MAP3K5: variants seen among roughly 807,000 people sequenced by gnomAD.
The protein encoded by MAP3K5 is ASK-1.
Under a neutral mutation model 158.7 loss-of-function variants are expected in MAP3K5, and 56 were observed. The observed-to-expected ratio is 0.35, with a 90% CI of 0.28 to 0.44. The LOEUF (loss-of-function observed/expected upper bound fraction) is 0.44, where lower values mean the gene tolerates loss of function less well. Ranked by LOEUF, MAP3K5 falls within the 20% of genes least tolerant of loss-of-function variation. The pLI, the probability that MAP3K5 is intolerant of heterozygous loss-of-function variation, is 1.00. For missense variants in MAP3K5, 1,294 were observed against 1,674.8 expected, an observed-to-expected ratio of 0.77 and a Z score of 3.97; for synonymous variants, 579 against 601.7, an observed-to-expected ratio of 0.96 and a Z score of 0.55.
intron 1 of MAP3K5, among the ~76,000 whole-genome samples, chr6:136,787,223 A>G (rs1453834212): frequency 6.6e-6 from 1 of 152,140 alleles, no homozygotes; most frequent in Non-Finnish European, 1.5e-5. Flanking sequence ...AGCAAACAAA[A>G]AACAAGCATA....
At chr6:136,682,184 T>G (rs1375054943) in intron 7 of MAP3K5, among the ~76,000 whole-genome samples, 2 of 152,170 alleles carry the variant, frequency 1.3e-5, no homozygotes, top group African/African-American at 4.8e-5. Context: ...TACTAAAAAC[T>G]TTTCAGGCCT....
At chr6:136,593,614 C>A (rs1227494255) in intron 21 of MAP3K5, 3 of 350,784 alleles carry the variant, frequency 8.6e-6, no homozygotes, top group Admixed American at 7.8e-5. Flanking sequence ...AAAAAGCTCC[C>A]AAATGTATAT....
At position 136,734,765 on chromosome 6, in the gene MAP3K5, C is replaced by T. The variant is rs556490907; in HGVS notation, c.449-14176G>A. Among the ~76,000 whole-genome samples the T allele has an allele frequency of 4.6e-5, 7 of 152,212 alleles. No homozygotes were observed. In the South Asian group the frequency reaches 1.2e-3, roughly 27 times the overall value. On this transcript the variant is annotated intron_variant, in intron 1 of 29. Transcript: ENST00000359015. The stretch of plus-strand genomic sequence containing the variant: ...TTTAGTTTTAATTAAACCATCAAAG[C>T]TTCATTCATTTATGCTTCAGTGAAG...
In MAP3K5 at chr6:136,622,851, C is replaced by T. The variant is rs1188002500; in HGVS notation, c.2147G>A (p.Ser716Asn). Residue 716 changes from serine (S) to asparagine (N), a missense_variant, in exon 15 of 30, where the codon AGC (serine) becomes AAC (asparagine). By Grantham distance (46) the Ser-to-Asn change is conservative. Around this residue, in one of 5 missense-constraint regions of MAP3K5, gnomAD observed 41 missense variants for 98.2 expected, o/e 0.42. Transcript: ENST00000359015. ...TTAGTAGCTACAATTACTGTACCTG[C>T]TGTCTCTCTCTGGGATTTCCTTAAT... is the stretch of plus-strand genomic sequence containing the variant. ...IAIKEIPERD[S>N]RYSQPLHEEI... The T allele has an allele frequency of 1.9e-6, 3 of 1,604,316 alleles. No homozygotes were observed. Among genetic ancestry groups the T allele is most frequent in the South Asian group, 1.1e-5 (1 of 90,940 alleles).
chr6:136,731,596 C>G (rs538909365), intron 1 of MAP3K5, among the ~76,000 whole-genome samples: 4 of 152,134 alleles, frequency 2.6e-5, no homozygotes, highest in Admixed American at 2.6e-4. Flanking sequence ...TGCAAAGACT[C>G]GTTTTCCAAA....
intron 24 of MAP3K5, among the ~76,000 whole-genome samples, chr6:136,582,411 G>A (rs888391678): frequency 3.3e-5 from 5 of 152,172 alleles, no homozygotes; most frequent in African/African-American, 1.2e-4. Context: ...AAATGTGTGG[G>A]CAAGTGCAAA....
In MAP3K5 at chr6:136,698,572, G is replaced by C. The variant is rs780557000; in HGVS notation, c.723C>G (p.Asn241Lys). The stretch of plus-strand genomic sequence containing the variant: ...AGATGGGTCCAAGAAGCAGCTCGAA[G>C]TTCGGTTGCATGAGCTCTGTCAACC... Reference protein sequence around the residue: ...MKGLTELMQPNFELLLGPICL... With the variant: ...MKGLTELMQPKFELLLGPICL... Residue 241 changes from asparagine to lysine, a missense_variant, in exon 4 of 30, where the codon AAC (asparagine) becomes AAG (lysine). Transcript: ENST00000359015. 6 of 1,613,928 alleles carry C rather than the reference G, an allele frequency of 3.7e-6. No individual in the cohort carries two copies. The highest frequency in any genetic ancestry group is 1.3e-5 in the African/African-American group (1 of 74,922).
In MAP3K5 at chr6:136,698,519, T is replaced by G; in HGVS notation, c.776A>C (p.Gln259Pro). Residue 259 changes from glutamine (Q) to proline (P), a missense_variant, in exon 4 of 30, where the codon CAA becomes CCA. Physicochemically the swap from Gln to Pro is moderately conservative, Grantham distance 76. This residue lies in a region of MAP3K5 where 690 missense variants were observed against 870.5 expected (regional missense o/e 0.79). Transcript: ENST00000359015. The stretch of plus-strand genomic sequence containing the variant: ...ACTTGCTTGTGCCACCTTCAAAAGT[T>G]GAATAAAACGATCCACAAGAGGTAA... ...ICLPLVDRFI[Q>P]LLKVAQASSS... 3 of 1,613,834 alleles carry G rather than the reference T, an allele frequency of 1.9e-6. No individual in the cohort carries two copies. Among genetic ancestry groups the G allele is most frequent in the Non-Finnish European group, 2.5e-6 (3 of 1,179,894 alleles).
intron 1 of MAP3K5, among the ~76,000 whole-genome samples, chr6:136,781,196 G>A (rs1256849302): frequency 6.6e-6 from 1 of 152,194 alleles, no homozygotes; most frequent in Non-Finnish European, 1.5e-5. Context: ...GTCTATCGCA[G>A]TCCATCTAAC....
At chr6:136,585,517 T>TTTA (rs1562524911) in intron 23 of MAP3K5, among the ~76,000 whole-genome samples, 7 of 99,446 alleles carry the variant, frequency 7.0e-5, no homozygotes, top group African/African-American at 3.8e-5. Flanking sequence ...TTATTTATTT[T>TTTA]TTGACAAAGT....
At chr6:136,751,439 T>C (rs1214557836) in intron 1 of MAP3K5, among the ~76,000 whole-genome samples, 3 of 152,244 alleles carry the variant, frequency 2.0e-5, no homozygotes, top group African/African-American at 7.2e-5. Context: ...AATCTAGTAA[T>C]GATCTTTAGA....
At chr6:136,559,013 G>C in intron 28 of MAP3K5, 137 bp from the exon 29 acceptor site, 1 of 597,512 alleles carries the variant, frequency 1.7e-6, no homozygotes, top group Non-Finnish European at 2.9e-6. Flanking sequence ...CAATCTTCCA[G>C]GATTATTAGG....
chr6:136,642,038 A>AATAAG (rs1777988649), intron 12 of MAP3K5, among the ~76,000 whole-genome samples: 1 of 110,136 alleles, frequency 9.1e-6, no homozygotes, highest in South Asian at 2.4e-4. Flanking sequence ...ATAAAAATAA[A>AATAAG]ATAAAATAAA....
intron 26 of MAP3K5, among the ~76,000 whole-genome samples, chr6:136,564,391 G>A (rs934061243): frequency 1.3e-5 from 2 of 152,172 alleles, no homozygotes; most frequent in East Asian, 3.9e-4. Context: ...CAGCTGCAGG[G>A]TAAGTGTGGT....
chr6:136,777,283 A>T (rs1323467939), intron 1 of MAP3K5, among the ~76,000 whole-genome samples: 1 of 152,180 alleles, frequency 6.6e-6, no homozygotes, highest in Admixed American at 6.5e-5. Context: ...AGTATCTACA[A>T]ATCTTTTTCT....
At chr6:136,679,526 G>C (rs1779844641) in intron 7 of MAP3K5, among the ~76,000 whole-genome samples, 1 of 152,122 alleles carries the variant, frequency 6.6e-6, no homozygotes, top group African/African-American at 2.4e-5. Context: ...AACTAATGCT[G>C]AATCACCCTG....
intron 1 of MAP3K5, among the ~76,000 whole-genome samples, chr6:136,757,722 G>T (rs1783570005): frequency 6.6e-6 from 1 of 151,852 alleles, no homozygotes; most frequent in Non-Finnish European, 1.5e-5. Flanking sequence ...AAGTAGCTGG[G>T]ATTACAGGCA....
intron 21 of MAP3K5, among the ~76,000 whole-genome samples, chr6:136,598,677 G>C (rs1775738204): frequency 6.6e-6 from 1 of 152,212 alleles, no homozygotes; most frequent in African/African-American, 2.4e-5. Flanking sequence ...TTGAGGGGAA[G>C]CCAAGTGCAG....
In MAP3K5 at chr6:136,583,653, T is replaced by C; in HGVS notation, c.3313A>G (p.Ile1105Val). 6.2e-7 allele frequency: 1 copy of C among 1,614,234 alleles called. No homozygotes were observed. The highest frequency in any genetic ancestry group is 8.5e-7 in the Non-Finnish European group (1 of 1,180,038). The change falls in exon 24 of 30, where the codon ATC (isoleucine) becomes GTC (valine). Residue 1105 changes from isoleucine to valine, a missense_variant. Ile to Val is a conservative substitution (Grantham distance 29). Around this residue, in one of 5 missense-constraint regions of MAP3K5, gnomAD observed 362 missense variants for 463.2 expected, o/e 0.78. Transcript: ENST00000359015. ...REFVRSTDRK[I>V]IATTLSKLKL... ...AGCTTTGACAGTGTGGTGGCTATGA[T>C]TTTTCGGTCAGTGGATCTCACAAAT... is the stretch of plus-strand genomic sequence containing the variant.
Sources: gnomAD v4.1 joint callset for allele counts (sites outside exome capture counted in the v4.1 genomes callset) on GRCh38, gnomAD v4.1.1 for gene constraint, gnomAD v4.1.1 regional missense constraint, MANE v1.5 for transcripts, NCBI Gene and HGNC (gene_info 2026-07-23, HGNC 2026-07-21) for gene names.